ADAMTSL1: variants seen among roughly 807,000 people sequenced by gnomAD.
ADAMTSL1 encodes ADAMTS-like protein 1.
In ADAMTSL1, 126 loss-of-function variants were observed where a neutral mutation model predicts 201.8. The observed-to-expected ratio is 0.62, with a 90% CI of 0.54 to 0.72. The LOEUF is 0.72. Among genes scored for constraint, ADAMTSL1 ranks in the 30% least tolerant of loss-of-function variants. The probability of loss-of-function intolerance (pLI) is 0.00; values close to 1 mark genes in which losing one functional copy is unlikely to be tolerated. For missense variants in ADAMTSL1, 2,679 were observed against 2,277.8 expected, an observed-to-expected ratio of 1.18 and a Z score of -3.59; for synonymous variants, 1,121 against 903.4, an observed-to-expected ratio of 1.24 and a Z score of -4.32.
chr9:18,332,530 A>G (rs77827957), intron 2 of ADAMTSL1, among the ~76,000 whole-genome samples: 3,754 of 152,226 alleles, frequency 0.025, 103 homozygotes, highest in African/African-American at 0.07. Context: ...AGCCCCCTGC[A>G]GCCTTGACCT....
chr9:17,938,239 C>T (rs7044065), intron 1 of ADAMTSL1, among the ~76,000 whole-genome samples: 171 of 152,090 alleles, frequency 1.1e-3, no homozygotes, highest in African/African-American at 3.7e-3. Context: ...GTCAGGGAGG[C>T]GTAACAGTCC....
At chr9:18,440,401 A>G (rs1184060661) in intron 2 of ADAMTSL1, among the ~76,000 whole-genome samples, 1 of 152,096 alleles carries the variant, frequency 6.6e-6, no homozygotes, top group East Asian at 1.9e-4. Context: ...ATAGGACTCT[A>G]TCTTAAAACG....
At chr9:18,691,059 G>A (rs979439461) in intron 13 of ADAMTSL1, among the ~76,000 whole-genome samples, 4 of 152,186 alleles carry the variant, frequency 2.6e-5, no homozygotes, top group East Asian at 1.9e-4. Flanking sequence ...TTGAGTACTG[G>A]TTGTCTATCC....
At chr9:18,525,742 A>G (rs1055503754) in intron 2 of ADAMTSL1, among the ~76,000 whole-genome samples, 20 of 152,296 alleles carry the variant, frequency 1.3e-4, no homozygotes, top group African/African-American at 4.8e-4. Context: ...GTTTCCATGT[A>G]GGTGAGTGGT....
In ADAMTSL1 at chr9:18,184,550, C is replaced by T. The variant is rs545047199; in HGVS notation, c.207+20569C>T. On this transcript the variant is annotated intron_variant, in intron 2 of 29. Transcript: ENST00000680146. The stretch of plus-strand genomic sequence containing the variant: ...AAGGGAAACTTCCGCTTTTATTTTG[C>T]CTGTTGTCATTGGAATTTCACCATA... Among the ~76,000 whole-genome samples, 4 of 152,244 alleles carry T rather than the reference C, an allele frequency of 2.6e-5. No individual in the cohort carries two copies. In the East Asian group the frequency reaches 5.8e-4, roughly 22 times the overall value.
chr9:18,741,482 G>A (rs1003137271), intron 15 of ADAMTSL1, among the ~76,000 whole-genome samples: 11 of 152,342 alleles, frequency 7.2e-5, no homozygotes, highest in African/African-American at 2.6e-4. Flanking sequence ...GAAAACTCAT[G>A]AATATAAATG....
chr9:18,554,967 C>T (rs1034631337), intron 3 of ADAMTSL1, among the ~76,000 whole-genome samples: 2 of 151,822 alleles, frequency 1.3e-5, no homozygotes, highest in Admixed American at 6.6e-5. Context: ...ATATCCACCT[C>T]TGTAGTATCA....
intron 9 of ADAMTSL1, among the ~76,000 whole-genome samples, chr9:18,664,117 C>T (rs1399998644): frequency 6.6e-6 from 1 of 151,894 alleles, no homozygotes; most frequent in Non-Finnish European, 1.5e-5. Context: ...AGTAATTAGA[C>T]AAAGCTGAGA....
At chr9:18,617,965 T>G (rs1217271339) in intron 4 of ADAMTSL1, among the ~76,000 whole-genome samples, 2 of 152,194 alleles carry the variant, frequency 1.3e-5, no homozygotes, top group African/African-American at 2.4e-5. Flanking sequence ...CAAAAAAATT[T>G]CATGCAGTTG....
chr9:18,776,041 C>A (rs1011861687), intron 18 of ADAMTSL1, 145 bp downstream of exon 18: 3 of 1,140,146 alleles, frequency 2.6e-6, no homozygotes, highest in Admixed American at 2.8e-5. Flanking sequence ...GGCAGGAGAG[C>A]TCAGCTGGAG....
intron 1 of ADAMTSL1, among the ~76,000 whole-genome samples, chr9:18,043,718 C>T (rs937621390): frequency 6.6e-6 from 1 of 151,884 alleles, no homozygotes; most frequent in African/African-American, 2.4e-5. Flanking sequence ...TTTATTAATG[C>T]TATATGAGCA....
intron 5 of ADAMTSL1, among the ~76,000 whole-genome samples, chr9:18,634,831 T>A (rs1826998276): frequency 9.9e-6 from 1 of 100,628 alleles, no homozygotes; most frequent in Non-Finnish European, 2.2e-5. Context: ...AGAGCGAGAT[T>A]CCTCAAAAAA....
intron 3 of ADAMTSL1, among the ~76,000 whole-genome samples, chr9:18,563,900 T>C (rs922101118): frequency 1.3e-5 from 2 of 152,234 alleles, no homozygotes; most frequent in African/African-American, 4.8e-5. Context: ...TTCAGACTGC[T>C]GTGCTGGCAG....
rs200426902 is a variant in ADAMTSL1 at position 18,680,347 on chromosome 9, C to T, written c.1172C>T (p.Ser391Leu). 1.5e-4 allele frequency: 236 copies of T among 1,614,060 alleles called. No homozygotes were observed. Among genetic ancestry groups the T allele is most frequent in the Non-Finnish European group, 1.6e-4 (191 of 1,180,012 alleles). Residue 391 changes from serine (S) to leucine (L), a missense_variant, in exon 11 of 29, where the codon TCG (serine) becomes TTG (leucine). Coordinates refer to ENST00000380548, the MANE Select transcript of ADAMTSL1 (RefSeq NM_001040272.6). ...ACCCCATGGACCGCGTGCTCCTCCT[C>T]GTGTGGGGGGGGCATCCAGAGCCGG... Reference protein sequence around the residue: ...EATPWTACSSSCGGGIQSRAV... With the variant: ...EATPWTACSSLCGGGIQSRAV...
intron 26 of ADAMTSL1, among the ~76,000 whole-genome samples, chr9:18,897,038 C>G (rs1588337773): frequency 6.6e-6 from 1 of 152,358 alleles, no homozygotes; most frequent in African/African-American, 2.4e-5. Flanking sequence ...GTCAACCCAG[C>G]TGTTCTAGCC....
intron 1 of ADAMTSL1, among the ~76,000 whole-genome samples, chr9:18,119,338 G>T (rs1179648725): frequency 6.6e-6 from 1 of 151,878 alleles, no homozygotes; most frequent in African/African-American, 2.4e-5. Flanking sequence ...TGCCACCCAG[G>T]CTGGAGTAGA....
rs566821977 is a variant in ADAMTSL1 at position 18,840,430 on chromosome 9, T to C, written c.4249+10453T>C. On this transcript the variant is annotated intron_variant, in intron 23 of 28. Transcript: ENST00000380548. ...TGGTACCAGTACCATGGTGTTTTGG[T>C]TACTGTAGCCTTCTGGTATAGTTTG... Among the ~76,000 whole-genome samples the C allele has an allele frequency of 3.3e-5, 5 of 152,338 alleles. No individual in the cohort carries two copies. In the East Asian group the frequency reaches 9.6e-4, roughly 29 times the overall value.
intron 2 of ADAMTSL1, among the ~76,000 whole-genome samples, chr9:18,304,658 T>C (rs1158964802): frequency 1.3e-5 from 2 of 152,042 alleles, no homozygotes; most frequent in East Asian, 1.9e-4. Flanking sequence ...CTTTTTTTTT[T>C]TTTAGGACTA....
intron 9 of ADAMTSL1, among the ~76,000 whole-genome samples, chr9:18,673,141 C>T (rs767908222): frequency 1.3e-5 from 2 of 152,054 alleles, no homozygotes; most frequent in Non-Finnish European, 2.9e-5. Flanking sequence ...CATACATGTA[C>T]ACACACCCAC....
Sources: gnomAD v4.1 joint callset for allele counts (sites outside exome capture counted in the v4.1 genomes callset) on GRCh38, gnomAD v4.1.1 for gene constraint, MANE v1.5 for transcripts, NCBI Gene and HGNC (gene_info 2026-07-23, HGNC 2026-07-21) for gene names.